The following EFHC2 variants were observed in gnomAD, a reference collection of about 807,000 sequenced individuals.
The protein encoded by EFHC2 is EF-hand domain containing 2, also known as EF-hand domain-containing family member C2.
A neutral mutation model predicts 52.7 loss-of-function variants in EFHC2; 18 were observed. That is an observed-to-expected ratio of 0.34 (90% CI 0.24 to 0.51). EFHC2 has a LOEUF of 0.51. EFHC2 is among the 20% of genes least tolerant of loss of function. The probability of loss-of-function intolerance (pLI) is 0.97; values close to 1 mark genes in which losing one functional copy is unlikely to be tolerated. For missense variants in EFHC2, 513 were observed against 562.5 expected (o/e 0.91, Z 0.89); for synonymous variants, 203 against 204.1 (o/e 0.99, Z 0.04).
chrX:44,246,827 T>C (rs2037404553), intron 7 of EFHC2, among the ~76,000 whole-genome samples: 1 of 112,425 alleles, frequency 8.9e-6, no homozygotes, highest in Non-Finnish European at 1.9e-5. Flanking sequence ...TAAGGAATCA[T>C]ATAATGCTTT....
At chrX:44,254,588 GAACA>G (rs1449187985) in intron 4 of EFHC2, among the ~76,000 whole-genome samples, 3 of 111,513 alleles carry the variant, frequency 2.7e-5, no homozygotes, top group Non-Finnish European at 5.7e-5. Context: ...GAATGAAAAG[GAACA>G]AACAAAGCCT....
At chrX:44,158,990 G>A (rs1339209901) in intron 14 of EFHC2, among the ~76,000 whole-genome samples, 2 of 112,313 alleles carry the variant, frequency 1.8e-5, no homozygotes, top group African/African-American at 6.5e-5. Context: ...AAAGAGCCAC[G>A]CTGCACAAAG....
At chrX:44,180,679 C>T (rs935552642) in intron 11 of EFHC2, among the ~76,000 whole-genome samples, 13 of 109,238 alleles carry the variant, frequency 1.2e-4, no homozygotes, top group Non-Finnish European at 1.7e-4. Flanking sequence ...GCAGAGGTTG[C>T]GGTAGCTGAG....
At chrX:44,237,722 T>A (rs2037330707) in intron 8 of EFHC2, among the ~76,000 whole-genome samples, 1 of 111,634 alleles carries the variant, frequency 9.0e-6, no homozygotes, top group Non-Finnish European at 1.9e-5. Flanking sequence ...AAATGATCAC[T>A]CCTTCAGTGT....
chrX:44,229,132 T>G (rs989262688), intron 11 of EFHC2, among the ~76,000 whole-genome samples: 2 of 112,490 alleles, frequency 1.8e-5, no homozygotes, highest in Admixed American at 9.4e-5. Flanking sequence ...TCATATATTT[T>G]TCCCTCGATT....
chrX:44,340,104 A>C (rs1231203434), intron 1 of EFHC2, among the ~76,000 whole-genome samples: 1 of 111,635 alleles, frequency 9.0e-6, no homozygotes, highest in Non-Finnish European at 1.9e-5. Context: ...TGAGTCTAGA[A>C]ATAGACCCAC....
chrX:44,190,476 G>A (rs1209152645), intron 11 of EFHC2, among the ~76,000 whole-genome samples: 2 of 111,999 alleles, frequency 1.8e-5, no homozygotes, highest in Admixed American at 1.9e-4. Context: ...GGAGCAGGTG[G>A]AATGTGTCAT....
At chrX:44,343,075 T>C (rs1057215387) in intron 1 of EFHC2, among the ~76,000 whole-genome samples, 2 of 110,102 alleles carry the variant, frequency 1.8e-5, no homozygotes, top group African/African-American at 6.6e-5. Flanking sequence ...TCACACAGGA[T>C]ACTGGGGATA....
At chrX:44,248,522 T>C in intron 6 of EFHC2, 112 bp from the exon 7 acceptor site, 1 of 906,117 alleles carries the variant, frequency 1.1e-6, no homozygotes. Flanking sequence ...CTTTAATAAC[T>C]AAATTTTAAA....
chrX:44,162,805 C>T (rs1334225989), intron 14 of EFHC2, among the ~76,000 whole-genome samples: 1 of 110,918 alleles, frequency 9.0e-6, no homozygotes, highest in Non-Finnish European at 1.9e-5. Flanking sequence ...CACCTCATCC[C>T]ATAGAATCCC....
chrX:44,224,099 A>G (rs1157810341), intron 11 of EFHC2, among the ~76,000 whole-genome samples: 1 of 111,907 alleles, frequency 8.9e-6, no homozygotes, highest in Non-Finnish European at 1.9e-5. Flanking sequence ...GATGTTTATT[A>G]TTTTCCATCT....
intron 2 of EFHC2, among the ~76,000 whole-genome samples, chrX:44,295,533 T>C (rs760845166): frequency 2.7e-5 from 3 of 110,627 alleles, no homozygotes; most frequent in Non-Finnish European, 5.7e-5. Flanking sequence ...GCAAAGGAGG[T>C]CAAAGGAGTC....
chrX:44,260,966 G>T, intron 4 of EFHC2, 109 bp downstream of exon 4: 1 of 633,365 alleles, frequency 1.6e-6, no homozygotes, highest in Non-Finnish European at 2.4e-6. Context: ...AATAACTATG[G>T]CTCTAAAAGC....
At position 44,235,391 on chromosome X, in the gene EFHC2, C is replaced by T. The variant is rs372728147; in HGVS notation, c.1337G>A (p.Cys446Tyr). ...RFFAKLVTDK[C>Y]VDLDRMFVIS... ...AACAAACATCCTGTCCAAGTCAACA[C>T]ATTTGTCTGTGACTAGTTTTGCAAA... is the stretch of plus-strand genomic sequence containing the variant. Residue 446 changes from cysteine to tyrosine, a missense_variant, in exon 9 of 15, where the codon TGT (cysteine) becomes TAT (tyrosine). Physicochemically the swap from Cys to Tyr is radical, Grantham distance 194. Coordinates refer to ENST00000420999, the MANE Select transcript of EFHC2 (RefSeq NM_025184.4). 1.3e-5 allele frequency: 16 copies of T among 1,188,127 alleles called. No homozygotes were observed. The highest frequency in any genetic ancestry group is 4.6e-5 in the Admixed American group (2 of 43,282).
intron 3 of EFHC2, among the ~76,000 whole-genome samples, chrX:44,269,649 T>A (rs2037603174): frequency 9.0e-6 from 1 of 111,054 alleles, no homozygotes; most frequent in Non-Finnish European, 1.9e-5. Context: ...CCACCACGAG[T>A]AAAAGCTTCC....
rs2036809197 is a variant in EFHC2 at position 44,178,542 on chromosome X, C to G, written c.1774G>C (p.Val592Leu). Residue 592 changes from valine to leucine, a missense_variant, in exon 12 of 15, where the codon GTT becomes CTT. Coordinates refer to ENST00000420999, the MANE Select transcript of EFHC2 (RefSeq NM_025184.4). ...AATTCTTGCTCTGCAAGGTTTCCAACAGTCAAAGACATCAATATGTCTCTG... is the reference window on the plus strand; with the variant it reads ...AATTCTTGCTCTGCAAGGTTTCCAAGAGTCAAAGACATCAATATGTCTCTG... ...TFRDILMSLTVGNLAEQEFVT... is the reference protein window; with the variant it reads ...TFRDILMSLTLGNLAEQEFVT... 1.7e-6 allele frequency: 2 copies of G among 1,192,727 alleles called. No individual in the cohort carries two copies. The highest frequency in any genetic ancestry group is 2.4e-5 in the Admixed American group (1 of 41,961).
chrX:44,333,661 T>C (rs896929441), intron 1 of EFHC2, among the ~76,000 whole-genome samples: 2 of 110,578 alleles, frequency 1.8e-5, no homozygotes, highest in Admixed American at 9.7e-5. Context: ...ACAAAGTTTG[T>C]TGGCCACTAT....
At chrX:44,306,303 A>G (rs780668836) in intron 2 of EFHC2, among the ~76,000 whole-genome samples, 1 of 111,607 alleles carries the variant, frequency 9.0e-6, no homozygotes, top group African/African-American at 3.3e-5. Flanking sequence ...ATGCAGGTAA[A>G]TGGACCCAGT....
intron 11 of EFHC2, among the ~76,000 whole-genome samples, chrX:44,215,031 G>C (rs1379891797): frequency 2.7e-5 from 3 of 111,322 alleles, no homozygotes; most frequent in Admixed American, 1.9e-4. Context: ...CCCTCATGCT[G>C]TTCTCATGAT....
Sources: allele counts gnomAD v4.1 joint callset (sites outside exome capture counted in the v4.1 genomes callset), GRCh38; gene constraint gnomAD v4.1.1; transcripts MANE v1.5; gene names NCBI Gene and HGNC (gene_info 2026-07-23, HGNC 2026-07-21).